NECTIN3: variants seen among roughly 807,000 people sequenced by gnomAD.
The protein encoded by NECTIN3 is nectin-3.
In NECTIN3, 8 loss-of-function variants were observed where a neutral mutation model predicts 49.4. That is an observed-to-expected ratio of 0.16 (90% CI 0.10 to 0.29). The LOEUF (loss-of-function observed/expected upper bound fraction) is 0.29. Ranked by LOEUF, NECTIN3 falls within the 10% of genes least tolerant of loss-of-function variation. The pLI is 1.00. For missense variants in NECTIN3, 581 were observed against 654.6 expected (o/e 0.89, Z 1.23); for synonymous variants, 277 against 241.1 (o/e 1.15, Z -1.38).
chr3:111,098,903 G>A (rs1440283733), intron 1 of NECTIN3, among the ~76,000 whole-genome samples: 6 of 150,188 alleles, frequency 4.0e-5, no homozygotes, highest in Non-Finnish European at 5.9e-5. Context: ...GCCCATACAG[G>A]TAGGTTGTTA....
intron 1 of NECTIN3, among the ~76,000 whole-genome samples, chr3:111,108,925 G>T (rs1158003079): frequency 6.6e-6 from 1 of 152,036 alleles, no homozygotes; most frequent in Non-Finnish European, 1.5e-5. Flanking sequence ...ATTTGTAGGG[G>T]ACAAAACATC....
At chr3:111,090,311 CATTTAT>C (rs756618170) in intron 1 of NECTIN3, among the ~76,000 whole-genome samples, 38 of 151,992 alleles carry the variant, frequency 2.5e-4, no homozygotes, top group Non-Finnish European at 4.4e-4. Flanking sequence ...TTCATTTATT[CATTTAT>C]TGCTTTCCTT....
intron 7 of NECTIN3, among the ~76,000 whole-genome samples, chr3:111,156,482 GT>G (rs1373000920): frequency 6.6e-6 from 1 of 150,782 alleles, no homozygotes; most frequent in African/African-American, 2.5e-5. Flanking sequence ...ATACATTTTG[GT>G]TTAGAAAGAT....
Position 111,146,141 on chromosome 3 carries a change from A to G in NECTIN3, c.1139+1104A>G, listed in dbSNP as rs570045827. On this transcript the variant is annotated intron_variant, in intron 6 of 8. Transcript: ENST00000493615. ...GGGACTGGAGTGCTTCAGTCTTTCA[A>G]GAGTGACTAGCGGCCGAGCGCGGTG... 3.3e-5 allele frequency among the ~76,000 whole-genome samples: 5 copies of G among 152,358 alleles called. No individual in the cohort carries two copies. In the South Asian group the frequency reaches 1.0e-3, roughly 32 times the overall value.
In NECTIN3 at chr3:111,091,014, T is replaced by G. The variant is rs890090820; in HGVS notation, c.160+18837T>G. 2.6e-5 allele frequency among the ~76,000 whole-genome samples: 4 copies of G among 152,258 alleles called. No individual in the cohort carries two copies. The East Asian group carries it at 7.7e-4, about 29-fold the overall frequency. ...CTTTATTGATATAATTCACATACTT[T>G]ACAGTTTACTGATTTAAAGTGTGTA... On this transcript the variant is annotated intron_variant, in intron 1 of 5. Coordinates refer to ENST00000485303, the MANE Select transcript of NECTIN3 (RefSeq NM_015480.3).
chr3:111,172,159 A>G (rs1158382101), intron 7 of NECTIN3, among the ~76,000 whole-genome samples: 1 of 152,068 alleles, frequency 6.6e-6, no homozygotes, highest in African/African-American at 2.4e-5. Context: ...TATTTGTAGC[A>G]GCTGCTTCCT....
At position 111,133,635 on chromosome 3, in the gene NECTIN3, A is replaced by G; in HGVS notation, c.1070A>G (p.Asp357Gly). Reference sequence around the variant, plus strand: ...TCTCTATCTTTACTGTTTCCATTAGATCCTCCTACTACTACCACCCTTCAG... The same window carrying G: ...TCTCTATCTTTACTGTTTCCATTAGGTCCTCCTACTACTACCACCCTTCAG... ...RSDQKVIYIS[D>G]PPTTTTLQPT... The change falls in exon 6 of 6, where the codon GAT becomes GGT. Residue 357 changes from aspartate to glycine, a missense_variant and splice_region_variant. Around this residue, in one of 3 missense-constraint regions of NECTIN3, gnomAD observed 238 missense variants for 244.9 expected, o/e 0.97. Coordinates refer to ENST00000485303, the MANE Select transcript of NECTIN3 (RefSeq NM_015480.3). 6.2e-7 allele frequency: 1 copy of G among 1,611,188 alleles called. No homozygotes were observed. Among genetic ancestry groups the G allele is most frequent in the South Asian group, 1.1e-5 (1 of 90,646 alleles).
At chr3:111,151,674 G>A (rs2035002716) in intron 7 of NECTIN3, among the ~76,000 whole-genome samples, 1 of 151,856 alleles carries the variant, frequency 6.6e-6, no homozygotes, top group African/African-American at 2.4e-5. Flanking sequence ...TATGCAGTGT[G>A]TCAGCACTGT....
chr3:111,108,280 T>C (rs1019164168), intron 1 of NECTIN3, among the ~76,000 whole-genome samples: 2 of 151,800 alleles, frequency 1.3e-5, no homozygotes, highest in African/African-American at 4.8e-5. Context: ...CTCCTTCTGG[T>C]TAAGTCTCTC....
At position 111,087,375 on chromosome 3, in the gene NECTIN3, G is replaced by A. The variant is rs971279755; in HGVS notation, c.160+15198G>A. On this transcript the variant is annotated intron_variant, in intron 1 of 5. Transcript: ENST00000485303. ...TAAAAAAAATAGAAGATGCCAGGCC[G>A]GGTGCTGTGCCTCACGCCTGTAATC... Among the ~76,000 whole-genome samples the A allele has an allele frequency of 1.4e-4, 21 of 152,206 alleles. 1 individual carries two copies. Among genetic ancestry groups the A allele is most frequent in the African/African-American group, 4.1e-4 (17 of 41,550 alleles).
At chr3:111,126,037 C>CA (rs1425206167) in intron 4 of NECTIN3, 147 bp from the exon 5 acceptor site, 1 of 542,622 alleles carries the variant, frequency 1.8e-6, no homozygotes, top group Non-Finnish European at 2.9e-6. Flanking sequence ...AAATTTGTTA[C>CA]TTTTTTTTTA....
chr3:111,093,820 T>C (rs1213529588), intron 1 of NECTIN3, among the ~76,000 whole-genome samples: 2 of 152,190 alleles, frequency 1.3e-5, no homozygotes, highest in African/African-American at 4.8e-5. Context: ...TATTAATTTG[T>C]GTAACTAAAA....
chr3:111,143,993 C>G (rs1437814069), intron 5 of NECTIN3, among the ~76,000 whole-genome samples: 2 of 151,980 alleles, frequency 1.3e-5, no homozygotes, highest in South Asian at 4.1e-4. Flanking sequence ...AATGTAGTTA[C>G]TGGATTTAAT....
chr3:111,161,589 T>C (rs1383498984), intron 7 of NECTIN3, among the ~76,000 whole-genome samples: 1 of 152,124 alleles, frequency 6.6e-6, no homozygotes, highest in African/African-American at 2.4e-5. Context: ...AGATCAGCAG[T>C]GGCATTAGAT....
chr3:111,133,589 A>G, intron 5 of NECTIN3, 46 bp from the exon 6 acceptor site: 7 of 1,566,240 alleles, frequency 4.5e-6, no homozygotes, highest in Non-Finnish European at 6.1e-6. Flanking sequence ...CTGCATTGAC[A>G]TTCTTTGCCT....
chr3:111,119,238 A>G (rs1295322570), intron 3 of NECTIN3, among the ~76,000 whole-genome samples: 1 of 152,208 alleles, frequency 6.6e-6, no homozygotes, highest in African/African-American at 2.4e-5. Context: ...AAAATGTACA[A>G]TGCTAAAGGG....
At chr3:111,155,354 CATTTT>C (rs2035076446) in intron 7 of NECTIN3, among the ~76,000 whole-genome samples, 1 of 152,136 alleles carries the variant, frequency 6.6e-6, no homozygotes. Flanking sequence ...TCTTAGTTGT[CATTTT>C]ATTTAATCAA....
At chr3:111,127,454 G>A (rs923457071) in intron 5 of NECTIN3, among the ~76,000 whole-genome samples, 1 of 147,044 alleles carries the variant, frequency 6.8e-6, no homozygotes, top group African/African-American at 2.6e-5. Flanking sequence ...CATGATAGAG[G>A]TGCAAACTTT....
At position 111,112,118 on chromosome 3, in the gene NECTIN3, T is replaced by G; in HGVS notation, c.249T>G (p.Asn83Lys). 2.5e-6 allele frequency: 4 copies of G among 1,613,760 alleles called. No individual in the cohort carries two copies. In the South Asian group the frequency reaches 4.4e-5, roughly 18 times the overall value. The change falls in exon 2 of 6, where the codon AAT becomes AAG. Residue 83 changes from asparagine to lysine, a missense_variant. This residue lies in a region of NECTIN3 where 234 missense variants were observed against 340.6 expected (regional missense o/e 0.69). Coordinates refer to ENST00000485303, the MANE Select transcript of NECTIN3 (RefSeq NM_015480.3). ...NVSLKCLIEV[N>K]ETITQISWEK... is the part of the protein sequence containing the mutation. ...CATTAAAGTGTTTAATTGAAGTAAA[T>G]GAAACCATAACACAGATTTCATGGG... is the stretch of plus-strand genomic sequence containing the variant.
Sources: allele counts gnomAD v4.1 joint callset (sites outside exome capture counted in the v4.1 genomes callset), GRCh38; gene constraint gnomAD v4.1.1; regional missense constraint gnomAD v4.1.1; transcripts MANE v1.5; gene names NCBI Gene and HGNC (gene_info 2026-07-23, HGNC 2026-07-21).